The following KLF8 variants were observed in gnomAD, a reference collection of about 807,000 sequenced individuals.
The protein encoded by KLF8 is Krueppel-like factor 8.
KLF8 carries 10 observed loss-of-function variants against 18.2 expected under a neutral mutation model. That is an observed-to-expected ratio of 0.55 (90% CI 0.34 to 0.93). The LOEUF is 0.93. Ranked by LOEUF, KLF8 falls within the 40% of genes least tolerant of loss-of-function variation. KLF8 has a pLI of 0.02. For synonymous variants in KLF8, 109 were observed against 97.3 expected, an observed-to-expected ratio of 1.12 and a Z score of -0.71; for missense variants, 264 against 277.9, an observed-to-expected ratio of 0.95 and a Z score of 0.36.
the KLF8 span, among the ~76,000 whole-genome samples, chrX:56,061,452 G>T: frequency 9.0e-6 from 1 of 111,664 alleles, no homozygotes; most frequent in African/African-American, 3.3e-5. Context: ...AGGTTGTTCA[G>T]TTTCCATCTA....
chrX:56,139,164 CAAAT>C, the KLF8 span, among the ~76,000 whole-genome samples: 1 of 111,650 alleles, frequency 9.0e-6, no homozygotes, highest in African/African-American at 3.3e-5. Context: ...ACAAGACAAA[CAAAT>C]GGAAAAACAT....
At chrX:56,040,867 G>T in the KLF8 span, among the ~76,000 whole-genome samples, 3 of 31,497 alleles carry the variant, frequency 9.5e-5, no homozygotes, top group Non-Finnish European at 1.6e-4. Flanking sequence ...ATTCAGCTGT[G>T]AATCTGTCTG....
At chrX:56,047,265 G>A in the KLF8 span, among the ~76,000 whole-genome samples, 4,468 of 107,744 alleles carry the variant, frequency 0.041, 230 homozygotes, top group African/African-American at 0.13. Flanking sequence ...TATTTTTTTC[G>A]TTTTTTTATT....
At chrX:56,058,203 T>C in the KLF8 span, among the ~76,000 whole-genome samples, 12 of 52,268 alleles carry the variant, frequency 2.3e-4, no homozygotes, top group East Asian at 1.5e-3. Flanking sequence ...CATATATATA[T>C]ACACATATAT....
the KLF8 span, among the ~76,000 whole-genome samples, chrX:56,056,216 T>A: frequency 9.0e-6 from 1 of 110,829 alleles, no homozygotes; most frequent in African/African-American, 3.3e-5. Context: ...TTTTTAAAAT[T>A]TTTGGTCTAA....
At chrX:55,946,342 A>G in the KLF8 span, among the ~76,000 whole-genome samples, 1 of 111,708 alleles carries the variant, frequency 9.0e-6, no homozygotes, top group African/African-American at 3.3e-5. Flanking sequence ...CATATCTACA[A>G]CTATCTGATC....
chrX:56,044,735 G>A, the KLF8 span, among the ~76,000 whole-genome samples: 95 of 112,083 alleles, frequency 8.5e-4, no homozygotes, highest in African/African-American at 3.0e-3. Context: ...ACCCATCTCA[G>A]GTAGACTCCA....
the KLF8 span, among the ~76,000 whole-genome samples, chrX:55,911,703 T>G: frequency 0.51 from 56,790 of 110,865 alleles, 12,911 homozygotes; most frequent in East Asian, 0.74. Context: ...GACAGTGCAC[T>G]AAGAACAAGA....
At chrX:56,141,247 G>A in the KLF8 span, among the ~76,000 whole-genome samples, 6 of 112,083 alleles carry the variant, frequency 5.4e-5, no homozygotes, top group African/African-American at 9.7e-5. Flanking sequence ...GGTTACAGGC[G>A]TGAGCCACCA....
At chrX:55,939,352 G>T in the KLF8 span, among the ~76,000 whole-genome samples, 1 of 111,181 alleles carries the variant, frequency 9.0e-6, no homozygotes, top group Admixed American at 9.5e-5. Context: ...AACATAACCA[G>T]AATCTCTGGG....
the KLF8 span, among the ~76,000 whole-genome samples, chrX:55,978,811 A>G: frequency 1.8e-5 from 2 of 111,921 alleles, no homozygotes; most frequent in African/African-American, 6.5e-5. Flanking sequence ...GCAGCAATAT[A>G]AATAAGAGCA....
At chrX:55,945,134 A>C in the KLF8 span, among the ~76,000 whole-genome samples, 1 of 110,209 alleles carries the variant, frequency 9.1e-6, no homozygotes, top group Non-Finnish European at 1.9e-5. Context: ...CATGTAGTTG[A>C]GTGGTTTTGA....
chrX:56,147,143 A>G, the KLF8 span, among the ~76,000 whole-genome samples: 1,243 of 112,487 alleles, frequency 0.011, 22 homozygotes, highest in African/African-American at 0.038. Context: ...TGCACCAGTC[A>G]TCATATAATC....
the KLF8 span, among the ~76,000 whole-genome samples, chrX:56,213,957 G>A: frequency 9.0e-6 from 1 of 111,491 alleles, no homozygotes; most frequent in Admixed American, 9.5e-5. Context: ...GATGGAAGTG[G>A]CTCTTGGCAG....
the KLF8 span, among the ~76,000 whole-genome samples, chrX:56,168,280 G>C: frequency 6.3e-4 from 70 of 111,081 alleles, no homozygotes; most frequent in Non-Finnish European, 7.9e-4. Context: ...TATCCAAAAA[G>C]AAATTATGAA....
the KLF8 span, among the ~76,000 whole-genome samples, chrX:56,044,760 G>T: frequency 8.9e-6 from 1 of 112,250 alleles, no homozygotes; most frequent in Admixed American, 9.4e-5. Context: ...ATTGCCATTG[G>T]CTGGATGGGA....
the KLF8 span, among the ~76,000 whole-genome samples, chrX:56,194,889 C>T: frequency 8.9e-6 from 1 of 112,333 alleles, no homozygotes; most frequent in Non-Finnish European, 1.9e-5. Context: ...ATTTGCTGTT[C>T]TGCAATATTT....
chrX:56,119,317 G>A, the KLF8 span, among the ~76,000 whole-genome samples: 1 of 111,196 alleles, frequency 9.0e-6, no homozygotes, highest in Non-Finnish European at 1.9e-5. Flanking sequence ...GATCCCCAAA[G>A]AGCCTAATGG....
chrX:56,153,718 C>G, the KLF8 span, among the ~76,000 whole-genome samples: 2 of 111,312 alleles, frequency 1.8e-5, no homozygotes, highest in African/African-American at 6.5e-5. Context: ...AGCTGATAGG[C>G]AACTTCAGCG....
Sources: allele counts gnomAD v4.1 joint callset (sites outside exome capture counted in the v4.1 genomes callset), GRCh38; gene constraint gnomAD v4.1.1; transcripts MANE v1.5; gene names NCBI Gene and HGNC (gene_info 2026-07-23, HGNC 2026-07-21).